The following SLC33A1 variants were observed in gnomAD, a reference collection of about 807,000 sequenced individuals.
SLC33A1 encodes acetyl-coenzyme A transporter 1.
Under a neutral mutation model 50.0 loss-of-function variants are expected in SLC33A1, and 20 were observed. The ratio of observed to expected loss-of-function variants is 0.40; its 90% CI spans 0.28 to 0.58. The LOEUF is 0.58. Among genes scored for constraint, SLC33A1 ranks in the 20% least tolerant of loss-of-function variants. The pLI is 0.44. For missense variants in SLC33A1, 476 were observed against 657.0 expected (o/e 0.72, Z 3.01); for synonymous variants, 265 against 251.8 (o/e 1.05, Z -0.50).
intron 4 of SLC33A1, among the ~76,000 whole-genome samples, chr3:155,833,022 C>A (rs1305402119): frequency 1.3e-5 from 2 of 151,714 alleles, no homozygotes; most frequent in Non-Finnish European, 2.9e-5. Flanking sequence ...GAGGCTGAGA[C>A]AGGTGGATCA....
In SLC33A1 at chr3:155,828,126, A is replaced by T; in HGVS notation, c.*84T>A. On this transcript the variant is annotated 3_prime_UTR_variant, in exon 6 of 6. Transcript: ENST00000643144. Reference sequence around the variant, plus strand: ...ATTTCGCTGTTTAAAATAATATTTTATACTCCTGTGCACTGATTATCATTG... The same window carrying T: ...ATTTCGCTGTTTAAAATAATATTTTTTACTCCTGTGCACTGATTATCATTG... 1 of 938,634 alleles carries T rather than the reference A, an allele frequency of 1.1e-6. No homozygotes were observed. The highest frequency in any genetic ancestry group is 1.7e-6 in the Non-Finnish European group (1 of 583,896). 58.1% of individuals were successfully genotyped at this position (938,634 alleles called of 1,614,324 possible). A position where few individuals can be genotyped will look rare whatever the true frequency, so the allele number is the denominator to read the frequency against.
At chr3:155,845,605 T>C (rs1471460737) in intron 1 of SLC33A1, among the ~76,000 whole-genome samples, 1 of 152,202 alleles carries the variant, frequency 6.6e-6, no homozygotes, top group Non-Finnish European at 1.5e-5. Context: ...CTCTCGCACA[T>C]GCAGAAGAAT....
At chr3:155,840,983 CA>C (rs1168031341) in intron 2 of SLC33A1, among the ~76,000 whole-genome samples, 4 of 147,460 alleles carry the variant, frequency 2.7e-5, no homozygotes, top group African/African-American at 1.0e-4. Flanking sequence ...GACTTTGTCT[CA>C]AAAAAAATAT....
intron 1 of SLC33A1, chr3:155,842,938 C>G (rs938826765): frequency 6.0e-6 from 1 of 167,882 alleles, no homozygotes; most frequent in Non-Finnish European, 1.2e-5. Context: ...GAAGTGGAGG[C>G]TGCAGTGAGC....
At chr3:155,847,928 ACT>A (rs1300609184) in intron 1 of SLC33A1, among the ~76,000 whole-genome samples, 29 of 152,030 alleles carry the variant, frequency 1.9e-4, no homozygotes, top group African/African-American at 6.5e-4. Flanking sequence ...TGATTTATAA[ACT>A]CTAATATCTT....
chr3:155,842,420 T>C lies in SLC33A1; in HGVS notation c.963+12A>G, dbSNP rs1326046416. 6.4e-6 allele frequency: 10 copies of C among 1,566,920 alleles called. No individual in the cohort carries two copies. Among genetic ancestry groups the C allele is most frequent in the South Asian group, 2.2e-5 (2 of 89,164 alleles). ...ATAAGAAAATGATAAATTTGATTTA[T>C]AAATCTCTTACCTTTGCAGTTAGAA... On this transcript the variant is annotated intron_variant, in intron 2 of 5. Transcript: ENST00000643144.
At chr3:155,840,623 T>C (rs536568670) in intron 2 of SLC33A1, among the ~76,000 whole-genome samples, 2 of 152,030 alleles carry the variant, frequency 1.3e-5, no homozygotes, top group East Asian at 3.9e-4. Flanking sequence ...AAGACCAGCC[T>C]GACCTACATG....
rs938391796 is a variant in SLC33A1 at position 155,827,839 on chromosome 3, T to G, written c.*371A>C. 1.1e-4 allele frequency: 19 copies of G among 167,640 alleles called. No individual in the cohort carries two copies. The highest frequency in any genetic ancestry group is 4.6e-4 in the African/African-American group (19 of 41,644). The allele number at this position is 167,640 out of a possible 1,614,324, so 10.4% of individuals were successfully genotyped here. On this transcript the variant is annotated 3_prime_UTR_variant, in exon 6 of 6. Coordinates refer to ENST00000643144, the MANE Select transcript of SLC33A1 (RefSeq NM_004733.4). ...CCATTTTATATATTGTACCAAAATTTTAAATACAGCTCAGCAGTGATAGGT... is the reference window on the plus strand; with the variant it reads ...CCATTTTATATATTGTACCAAAATTGTAAATACAGCTCAGCAGTGATAGGT...
chr3:155,851,659 C>T (rs1033392855), intron 1 of SLC33A1, among the ~76,000 whole-genome samples: 6 of 152,076 alleles, frequency 3.9e-5, no homozygotes, highest in African/African-American at 1.4e-4. Flanking sequence ...CTCAAGTGAT[C>T]CTCCCACCTC....
chr3:155,848,300 T>TA (rs1753261491), intron 1 of SLC33A1, among the ~76,000 whole-genome samples: 1 of 152,210 alleles, frequency 6.6e-6, no homozygotes, highest in Admixed American at 6.5e-5. Flanking sequence ...TGTGCTCAGC[T>TA]AAAGACATGT....
In SLC33A1 at chr3:155,853,454, C is replaced by T. The variant is rs373181939; in HGVS notation, c.544G>A (p.Ala182Thr). The change falls in exon 1 of 6, where the codon GCG (alanine) becomes ACG (threonine). Residue 182 changes from alanine (A) to threonine (T), a missense_variant. Ala to Thr is a moderately conservative substitution (Grantham distance 58, BLOSUM62 0). Coordinates refer to ENST00000643144, the MANE Select transcript of SLC33A1 (RefSeq NM_004733.4). ...RTPDVIALTV[A>T]FFLFEFLAAT... Reference sequence around the variant, plus strand: ...GCCAAGAATTCAAACAAAAAGAACGCCACAGTGAGAGCAATCACGTCGGGT... The same window carrying T: ...GCCAAGAATTCAAACAAAAAGAACGTCACAGTGAGAGCAATCACGTCGGGT... The T allele has an allele frequency of 4.3e-6, 7 of 1,613,940 alleles. No individual in the cohort carries two copies. In the African/African-American group the frequency reaches 9.3e-5, roughly 22 times the overall value.
intron 1 of SLC33A1, among the ~76,000 whole-genome samples, chr3:155,851,714 G>A (rs558529808): frequency 7.9e-5 from 12 of 151,966 alleles, no homozygotes; most frequent in African/African-American, 2.2e-4. Context: ...CACTGTGCCC[G>A]GCCAGCAGTG....
At chr3:155,852,881 C>T (rs568063651) in intron 1 of SLC33A1, among the ~76,000 whole-genome samples, 7 of 152,230 alleles carry the variant, frequency 4.6e-5, no homozygotes, top group Non-Finnish European at 1.0e-4. Flanking sequence ...GAGCTAGAAA[C>T]CTAAAACCAA....
In SLC33A1 at chr3:155,828,127, T is replaced by C; in HGVS notation, c.*83A>G. 4 of 937,492 alleles carry C rather than the reference T, an allele frequency of 4.3e-6. No homozygotes were observed. Among genetic ancestry groups the C allele is most frequent in the Non-Finnish European group, 5.1e-6 (3 of 583,458 alleles). 58.1% of individuals were successfully genotyped at this position (937,492 alleles called of 1,614,324 possible). A position where few individuals can be genotyped will look rare whatever the true frequency, so the allele number is the denominator to read the frequency against. On this transcript the variant is annotated 3_prime_UTR_variant, in exon 6 of 6. Transcript: ENST00000643144. The stretch of plus-strand genomic sequence containing the variant: ...TTTCGCTGTTTAAAATAATATTTTA[T>C]ACTCCTGTGCACTGATTATCATTGC...
intron 2 of SLC33A1, among the ~76,000 whole-genome samples, chr3:155,838,061 G>C (rs957593897): frequency 6.6e-6 from 1 of 152,110 alleles, no homozygotes; most frequent in Non-Finnish European, 1.5e-5. Flanking sequence ...CCAGCACTTT[G>C]GGAAGGCCGA....
At chr3:155,835,756 C>T (rs1752627823) in intron 2 of SLC33A1, among the ~76,000 whole-genome samples, 1 of 152,068 alleles carries the variant, frequency 6.6e-6, no homozygotes, top group African/African-American at 2.4e-5. Flanking sequence ...ACACTGCCTC[C>T]CCACTAGCTC....
chr3:155,845,770 T>C (rs1302400891), intron 1 of SLC33A1, among the ~76,000 whole-genome samples: 2 of 152,202 alleles, frequency 1.3e-5, no homozygotes, highest in Admixed American at 6.5e-5. Context: ...TAGCCTGTTA[T>C]GCCAACAACC....
chr3:155,851,566 TTTTA>T (rs1283630206), intron 1 of SLC33A1, among the ~76,000 whole-genome samples: 3 of 148,282 alleles, frequency 2.0e-5, no homozygotes, highest in South Asian at 2.1e-4. Flanking sequence ...TTATTTTTTA[TTTTA>T]TTTATTTATT....
rs764311590 is a variant in SLC33A1, at chr3:155,853,443, C to T, written c.555G>A (p.Leu185=). ...CCTGAGTGGCGGCCAAGAATTCAAA[C>T]AAAAAGAACGCCACAGTGAGAGCAA... ...DVIALTVAFF[L]FEFLAATQDI... The change falls in exon 1 of 6, where the codon TTG becomes TTA. Residue 185 remains leucine (L), a synonymous_variant. Coordinates refer to ENST00000643144, the MANE Select transcript of SLC33A1 (RefSeq NM_004733.4). 8 of 1,614,050 alleles carry T rather than the reference C, an allele frequency of 5.0e-6. No homozygotes were observed. The highest frequency in any genetic ancestry group is 6.8e-6 in the Non-Finnish European group (8 of 1,180,024).
Sources: allele counts gnomAD v4.1 joint callset (sites outside exome capture counted in the v4.1 genomes callset), GRCh38; gene constraint gnomAD v4.1.1; transcripts MANE v1.5; gene names NCBI Gene and HGNC (gene_info 2026-07-23, HGNC 2026-07-21).